The following SRGAP1 variants were observed in gnomAD, a reference collection of about 807,000 sequenced individuals.
SRGAP1 encodes the protein SLIT-ROBO Rho GTPase-activating protein 1.
Under a neutral mutation model 121.9 loss-of-function variants are expected in SRGAP1, and 43 were observed. The ratio of observed to expected loss-of-function variants is 0.35; its 90% CI spans 0.28 to 0.46. SRGAP1 has a LOEUF of 0.46. Ranked by LOEUF, SRGAP1 falls within the 20% of genes least tolerant of loss-of-function variation. SRGAP1 has a pLI of 1.00. For missense variants in SRGAP1, 1,102 were observed against 1,350.9 expected (o/e 0.82, Z 2.89); for synonymous variants, 447 against 485.4 (o/e 0.92, Z 1.04).
intron 1 of SRGAP1, among the ~76,000 whole-genome samples, chr12:63,975,980 G>A (rs914143697): frequency 1.4e-4 from 22 of 152,114 alleles, no homozygotes; most frequent in African/African-American, 4.1e-4. Flanking sequence ...ATAAGGTGTC[G>A]GATGCTTAGC....
intron 1 of SRGAP1, among the ~76,000 whole-genome samples, chr12:63,950,062 G>C (rs572433353): frequency 6.6e-6 from 1 of 152,180 alleles, no homozygotes; most frequent in African/African-American, 2.4e-5. Flanking sequence ...TCAGACCTCA[G>C]GCTGCCGGTT....
At position 64,108,288 on chromosome 12, in the gene SRGAP1, G is replaced by A. The variant is rs181214574; in HGVS notation, c.1814-644G>A. 4.6e-5 allele frequency among the ~76,000 whole-genome samples: 7 copies of A among 152,180 alleles called. No homozygotes were observed. The East Asian group carries it at 1.4e-3, about 29-fold the overall frequency. Reference sequence around the variant, plus strand: ...AGTCTCAGGTAATCCTGTCTTGGGGGAGCTCACCATCCCACAGGGAAGACG... The same window carrying A: ...AGTCTCAGGTAATCCTGTCTTGGGGAAGCTCACCATCCCACAGGGAAGACG... On this transcript the variant is annotated intron_variant, in intron 15 of 21. Coordinates refer to ENST00000355086, the MANE Select transcript of SRGAP1 (RefSeq NM_020762.4).
Position 63,903,059 on chromosome 12 carries a change from A to G in SRGAP1, c.67+58176A>G, listed in dbSNP as rs1592931367. On this transcript the variant is annotated intron_variant, in intron 1 of 21. Transcript: ENST00000355086. ...ATGTCTGAAATGATACTAGGATTAA[A>G]CTATTATATATATATATATAAAGTG... Among the ~76,000 whole-genome samples the G allele has an allele frequency of 3.1e-5, 4 of 129,388 alleles. No homozygotes were observed. The East Asian group carries it at 9.6e-4, about 31-fold the overall frequency. The allele number at this position is 129,388 out of a possible 152,430, so 84.9% of individuals were successfully genotyped here. A position where few individuals can be genotyped will look rare whatever the true frequency, so the allele number is the denominator to read the frequency against.
Position 64,142,926 on chromosome 12 carries a change from A to G in SRGAP1, c.*254A>G, listed in dbSNP as rs1186255239. 1.7e-5 allele frequency: 8 copies of G among 472,032 alleles called. No individual in the cohort carries two copies. Among genetic ancestry groups the G allele is most frequent in the South Asian group, 2.5e-5 (1 of 39,974 alleles). 29.2% of individuals were successfully genotyped at this position (472,032 alleles called of 1,614,324 possible). ...ACACTTAGACTTACTTGAAAATCCA[A>G]TGCTGCACCACTTGTAATGAAGGCA... On this transcript the variant is annotated 3_prime_UTR_variant, in exon 22 of 22. Transcript: ENST00000355086.
At chr12:64,006,776 G>T (rs1253973554) in intron 3 of SRGAP1, among the ~76,000 whole-genome samples, 1 of 151,958 alleles carries the variant, frequency 6.6e-6, no homozygotes, top group Non-Finnish European at 1.5e-5. Flanking sequence ...TGTCCTGGGG[G>T]GGAAAAAAGA....
At chr12:63,915,076 T>C (rs2030716052) in intron 1 of SRGAP1, among the ~76,000 whole-genome samples, 1 of 152,226 alleles carries the variant, frequency 6.6e-6, no homozygotes, top group African/African-American at 2.4e-5. Context: ...ATAATTTAGA[T>C]ATTTGAAATG....
chr12:63,858,408 T>A (rs999114766), intron 1 of SRGAP1, among the ~76,000 whole-genome samples: 3 of 151,968 alleles, frequency 2.0e-5, no homozygotes, highest in African/African-American at 4.8e-5. Context: ...AGAGAATTCC[T>A]GGGCTCAAAC....
At chr12:64,078,862 T>G in intron 8 of SRGAP1, 57 bp from the exon 9 acceptor site, 1 of 1,565,296 alleles carries the variant, frequency 6.4e-7, no homozygotes, top group Non-Finnish European at 8.7e-7. Flanking sequence ...GGACTCTCCC[T>G]GTTTGTGGGA....
chr12:63,925,935 C>T (rs2031245666), intron 1 of SRGAP1, among the ~76,000 whole-genome samples: 1 of 152,148 alleles, frequency 6.6e-6, no homozygotes, highest in Non-Finnish European at 1.5e-5. Context: ...CACACTGTAA[C>T]CTAAGCCTAG....
intron 10 of SRGAP1, chr12:64,080,614 T>C: frequency 1.8e-6 from 1 of 558,048 alleles, no homozygotes; most frequent in Non-Finnish European, 3.3e-6. Context: ...AATACCGAGC[T>C]CCTAGGGAGG....
At position 64,127,885 on chromosome 12, in the gene SRGAP1, C is replaced by T. The variant is rs781757462; in HGVS notation, c.2565C>T (p.Pro855=). ...GGCAACGAAAAAGAGGAGAGCCACC[C>T]CCTCCAGTAAGGCGTCCTGGCAGGA... The part of the protein sequence containing the change: ...LARQRKRGEP[P]PPVRRPGRTS... Residue 855 remains proline (P), a synonymous_variant, in exon 21 of 22, where the codon CCC becomes CCT. Transcript: ENST00000355086. The T allele has an allele frequency of 5.6e-6, 9 of 1,612,182 alleles. No homozygotes were observed. In the African/African-American group the frequency reaches 1.1e-4, roughly 19 times the overall value.
chr12:64,030,474 A>G lies in SRGAP1; in HGVS notation c.490-12316A>G, dbSNP rs150378793. Among the ~76,000 whole-genome samples, 1,232 of 152,340 alleles carry G rather than the reference A, an allele frequency of 8.1e-3. 12 individuals are homozygous for G. The highest frequency in any genetic ancestry group is 0.028 in the African/African-American group (1,147 of 41,580). ...TTTCTTTTTAATAAGGCATAAAACA[A>G]TTTATCTTCTTTAGGGTAAGTTGAT... On this transcript the variant is annotated intron_variant, in intron 4 of 21. Coordinates refer to ENST00000355086, the MANE Select transcript of SRGAP1 (RefSeq NM_020762.4).
At chr12:64,071,763 G>T (rs183815131) in intron 8 of SRGAP1, among the ~76,000 whole-genome samples, 1 of 152,034 alleles carries the variant, frequency 6.6e-6, no homozygotes, top group East Asian at 1.9e-4. Flanking sequence ...AATGAATTTT[G>T]TTCAAAAACA....
At position 63,877,673 on chromosome 12, in the gene SRGAP1, T is replaced by A. The variant is rs187679674; in HGVS notation, c.67+32790T>A. 2.6e-5 allele frequency among the ~76,000 whole-genome samples: 4 copies of A among 152,352 alleles called. No individual in the cohort carries two copies. The South Asian group carries it at 8.3e-4, about 32-fold the overall frequency. ...TATAAAATTTGGGTATAAAACTTTA[T>A]GTCTTGAGGCTAATTTAGATGTGTG... On this transcript the variant is annotated intron_variant, in intron 1 of 21. Transcript: ENST00000355086.
chr12:64,077,824 G>GA (rs1230355178), intron 8 of SRGAP1, among the ~76,000 whole-genome samples: 1 of 152,054 alleles, frequency 6.6e-6, no homozygotes, highest in Non-Finnish European at 1.5e-5. Context: ...TTGAAAGAGG[G>GA]AAAAACCACA....
At chr12:63,918,130 G>A (rs932351441) in intron 1 of SRGAP1, among the ~76,000 whole-genome samples, 15 of 152,196 alleles carry the variant, frequency 9.9e-5, no homozygotes, top group African/African-American at 3.4e-4. Context: ...AAAGAATGCA[G>A]ATTGCTCAAA....
At chr12:63,847,033 G>GT (rs552519142) in intron 1 of SRGAP1, among the ~76,000 whole-genome samples, 3,423 of 152,314 alleles carry the variant, frequency 0.022, 55 homozygotes, top group South Asian at 0.04. Flanking sequence ...GTTATTTACA[G>GT]GTATGTGTTT....
chr12:63,955,330 T>A (rs971825774), intron 1 of SRGAP1, among the ~76,000 whole-genome samples: 1 of 151,970 alleles, frequency 6.6e-6, no homozygotes, highest in East Asian at 1.9e-4. Flanking sequence ...AGAAAAAAAA[T>A]AAATAAAAAT....
At chr12:64,137,952 TA>T (rs142595703) in intron 21 of SRGAP1, among the ~76,000 whole-genome samples, 1,731 of 138,966 alleles carry the variant, frequency 0.012, 33 homozygotes, top group African/African-American at 0.043. Flanking sequence ...TAATTGTGCT[TA>T]AAAAAAAAAT....
Sources: gnomAD v4.1 joint callset for allele counts (sites outside exome capture counted in the v4.1 genomes callset) on GRCh38, gnomAD v4.1.1 for gene constraint, MANE v1.5 for transcripts, NCBI Gene and HGNC (gene_info 2026-07-23, HGNC 2026-07-21) for gene names.